TRAPPC11: variants seen among roughly 807,000 people sequenced by gnomAD.
TRAPPC11 encodes foie gras homolog.
A neutral mutation model predicts 151.2 loss-of-function variants in TRAPPC11; 104 were observed. The observed-to-expected ratio is 0.69, with a 90% CI of 0.59 to 0.81. TRAPPC11 has a LOEUF of 0.81. Among genes scored for constraint, TRAPPC11 ranks in the 30% least tolerant of loss-of-function variants. The probability of loss-of-function intolerance (pLI) is 0.00; values close to 1 mark genes in which losing one functional copy is unlikely to be tolerated. For synonymous variants in TRAPPC11, 456 were observed against 472.3 expected (o/e 0.97, Z 0.45); for missense variants, 1,230 against 1,349.6 (o/e 0.91, Z 1.39).
rs1301141798 is a variant in TRAPPC11 at position 183,661,399 on chromosome 4, C to G, written c.-22+1952C>G. Among the ~76,000 whole-genome samples, 4 of 114,464 alleles carry G rather than the reference C, an allele frequency of 3.5e-5. No individual in the cohort carries two copies. In the East Asian group the frequency reaches 1.1e-3, roughly 32 times the overall value. 75.1% of individuals were successfully genotyped at this position (114,464 alleles called of 152,430 possible). A position where few individuals can be genotyped will look rare whatever the true frequency, so the allele number is the denominator to read the frequency against. On this transcript the variant is annotated intron_variant, in intron 1 of 29. Transcript: ENST00000334690. ...TTTTTTTTTTTTTGAGACGGAGTCT[C>G]CTCGCTCTGTCGCCCAGGCTGGAGT...
At chr4:183,669,821 C>A (rs532379015) in intron 5 of TRAPPC11, among the ~76,000 whole-genome samples, 19 of 152,218 alleles carry the variant, frequency 1.2e-4, no homozygotes, top group African/African-American at 4.6e-4. Flanking sequence ...ATCCTGCCCA[C>A]CACAGCTTTC....
intron 25 of TRAPPC11, among the ~76,000 whole-genome samples, chr4:183,700,325 C>T (rs1461506590): frequency 6.6e-6 from 1 of 152,134 alleles, no homozygotes; most frequent in African/African-American, 2.4e-5. Context: ...GTTGATCCAG[C>T]TTTTTTCCCT....
At chr4:183,707,256 G>GTGTGTGTT (rs759474186) in intron 28 of TRAPPC11, among the ~76,000 whole-genome samples, 15 of 80,800 alleles carry the variant, frequency 1.9e-4, no homozygotes, top group Non-Finnish European at 2.3e-4. Context: ...GTGTGTTTAT[G>GTGTGTGTT]TGTGTGTGTG....
intron 17 of TRAPPC11, among the ~76,000 whole-genome samples, chr4:183,686,120 G>A (rs887437772): frequency 6.6e-6 from 1 of 152,026 alleles, no homozygotes; most frequent in Non-Finnish European, 1.5e-5. Context: ...TTACAGGCAC[G>A]AGCTACCATG....
rs780084294 is a variant in TRAPPC11 at position 183,686,253 on chromosome 4, C to T, written c.1763-365C>T. Among the ~76,000 whole-genome samples, 10 of 152,286 alleles carry T rather than the reference C, an allele frequency of 6.6e-5. No individual in the cohort carries two copies. In the South Asian group the frequency reaches 8.3e-4, roughly 13 times the overall value. On this transcript the variant is annotated intron_variant, in intron 17 of 29. Transcript: ENST00000334690. ...CTGGGTTCAAGTGATTCTTGTGCCT[C>T]AGCCTCCCTAGTAGCTGGGATTATA...
chr4:183,702,054 T>C (rs2111088756), intron 26 of TRAPPC11, among the ~76,000 whole-genome samples: 1 of 152,274 alleles, frequency 6.6e-6, no homozygotes, highest in South Asian at 2.1e-4. Context: ...TGTATAAGAA[T>C]GTTCATGGGC....
At chr4:183,709,865 T>G (rs1737256596) in intron 29 of TRAPPC11, among the ~76,000 whole-genome samples, 2 of 152,300 alleles carry the variant, frequency 1.3e-5, no homozygotes, top group South Asian at 4.1e-4. Context: ...CCAGATCCCT[T>G]CAGTCTAAAG....
At chr4:183,693,851 A>G in intron 21 of TRAPPC11, 66 bp from the exon 22 acceptor site, 5 of 1,600,344 alleles carry the variant, frequency 3.1e-6, no homozygotes, top group Non-Finnish European at 4.3e-6. Context: ...TGCTCTTCAC[A>G]CAGTATTGAT....
At chr4:183,693,776 C>T (rs1421855253) in intron 21 of TRAPPC11, 39 bp downstream of exon 21, 1 of 1,607,250 alleles carries the variant, frequency 6.2e-7, no homozygotes. Context: ...AGTATTAATC[C>T]AACATTAAAT....
Position 183,691,436 on chromosome 4 carries a change from G to T in TRAPPC11, c.2014G>T (p.Val672Phe). ...AACAAGAAAACTGTTATTTAAGTTT[G>T]TTGCAAAAACTGAAGATGTGGGAAA... ...GKTRKLLFKF[V>F]AKTEDVGKKI... The change falls in exon 19 of 30, where the codon GTT becomes TTT. Residue 672 changes from valine (V) to phenylalanine (F), a missense_variant. By Grantham distance (50) the Val-to-Phe change is conservative (BLOSUM62 -1). Transcript: ENST00000334690. The T allele has an allele frequency of 6.6e-7, 1 of 1,519,652 alleles. No individual in the cohort carries two copies. Among genetic ancestry groups the T allele is most frequent in the Non-Finnish European group, 8.9e-7 (1 of 1,121,272 alleles). The allele number at this position is 1,519,652 out of a possible 1,614,324, so 94.1% of individuals were successfully genotyped here. A position where few individuals can be genotyped will look rare whatever the true frequency, so the allele number is the denominator to read the frequency against.
intron 2 of TRAPPC11, among the ~76,000 whole-genome samples, chr4:183,665,187 T>A (rs34396255): frequency 3.4e-5 from 5 of 146,388 alleles, no homozygotes; most frequent in African/African-American, 7.8e-5. Flanking sequence ...CTCCGCCTCC[T>A]GGGTTCGTGC....
intron 18 of TRAPPC11, among the ~76,000 whole-genome samples, chr4:183,690,481 T>G (rs1427590709): frequency 6.6e-6 from 1 of 152,326 alleles, no homozygotes; most frequent in African/African-American, 2.4e-5. Context: ...ACATTCACTT[T>G]GGGACGTGCT....
chr4:183,689,647 T>C (rs200913742), intron 18 of TRAPPC11, among the ~76,000 whole-genome samples: 112 of 146,926 alleles, frequency 7.6e-4, no homozygotes, highest in East Asian at 3.2e-3. Context: ...TTTTTTTTTT[T>C]AAAGAGATAC....
At chr4:183,662,210 G>C (rs1734587251) in intron 1 of TRAPPC11, among the ~76,000 whole-genome samples, 1 of 152,024 alleles carries the variant, frequency 6.6e-6, no homozygotes, top group Non-Finnish European at 1.5e-5. Context: ...CAAAAAATTA[G>C]CTGGGTGTGG....
At chr4:183,665,421 G>C in intron 2 of TRAPPC11, among the ~76,000 whole-genome samples, 1 of 152,156 alleles carries the variant, frequency 6.6e-6, no homozygotes, top group East Asian at 1.9e-4. Flanking sequence ...TTAGTGTCAT[G>C]TTTGTGTCAA....
chr4:183,701,853 T>C (rs748665282), intron 26 of TRAPPC11, 45 bp downstream of exon 26: 2 of 1,198,212 alleles, frequency 1.7e-6, no homozygotes, highest in Admixed American at 3.4e-5. Flanking sequence ...GTCTCTGTTA[T>C]TCTCATACCT....
chr4:183,706,967 T>C (rs200001478), intron 28 of TRAPPC11, 27 bp downstream of exon 28: 848 of 1,608,338 alleles, frequency 5.3e-4, no homozygotes, highest in Non-Finnish European at 6.8e-4. Flanking sequence ...GTGATGCTTA[T>C]GTTGACACAA....
At chr4:183,669,230 T>C (rs1264535473) in intron 5 of TRAPPC11, among the ~76,000 whole-genome samples, 1 of 152,166 alleles carries the variant, frequency 6.6e-6, no homozygotes, top group African/African-American at 2.4e-5. Flanking sequence ...ATTGAGATAA[T>C]TGCTTAGAAT....
At chr4:183,670,878 C>T (rs187552560) in intron 5 of TRAPPC11, among the ~76,000 whole-genome samples, 2 of 152,310 alleles carry the variant, frequency 1.3e-5, no homozygotes, top group Non-Finnish European at 2.9e-5. Context: ...CTCTGCCCCC[C>T]AGATTCAAGT....
Sources: gnomAD v4.1 joint callset for allele counts (sites outside exome capture counted in the v4.1 genomes callset) on GRCh38, gnomAD v4.1.1 for gene constraint, MANE v1.5 for transcripts, NCBI Gene and HGNC (gene_info 2026-07-23, HGNC 2026-07-21) for gene names.